METTL14: variants seen among roughly 807,000 people sequenced by gnomAD.
METTL14 encodes methyltransferase 14, N6-adenosine-methyltransferase non-catalytic subunit, also known as N(6)-adenosine-methyltransferase non-catalytic subunit METTL14.
METTL14 carries 32 observed loss-of-function variants against 62.4 expected under a neutral mutation model. That is an observed-to-expected ratio of 0.51 (90% confidence interval 0.39 to 0.69). The LOEUF (loss-of-function observed/expected upper bound fraction) is 0.69, where lower values mean the gene tolerates loss of function less well. Ranked by LOEUF, METTL14 falls within the 30% of genes least tolerant of loss-of-function variation. The pLI is 0.00. For synonymous variants in METTL14, 150 were observed against 180.0 expected, an observed-to-expected ratio of 0.83 and a Z score of 1.34; for missense variants, 340 against 551.9, an observed-to-expected ratio of 0.62 and a Z score of 3.85.
chr4:118,705,576 G>A, intron 9 of METTL14, 35 bp from the exon 10 acceptor site: 1 of 1,544,280 alleles, frequency 6.5e-7, no homozygotes, highest in East Asian at 2.2e-5. Flanking sequence ...GACTGTTGAT[G>A]AAAACAGATT....
At chr4:118,701,010 T>G (rs1724572031) in intron 8 of METTL14, among the ~76,000 whole-genome samples, 2 of 152,142 alleles carry the variant, frequency 1.3e-5, no homozygotes, top group Admixed American at 6.5e-5. Context: ...TTCAGGAGCA[T>G]TGGCTCCTGA....
intron 3 of METTL14, among the ~76,000 whole-genome samples, 174 bp from the exon 4 acceptor site, chr4:118,691,358 A>T (rs1166080738): frequency 6.6e-6 from 1 of 152,192 alleles, no homozygotes; most frequent in Non-Finnish European, 1.5e-5. Context: ...TATGAAAATA[A>T]TCAGCTAGCT....
intron 6 of METTL14, among the ~76,000 whole-genome samples, chr4:118,694,851 G>A (rs1212431472): frequency 6.6e-6 from 1 of 151,964 alleles, no homozygotes; most frequent in East Asian, 1.9e-4. Flanking sequence ...CTAGAGTGTG[G>A]AGTGTAGTGG....
intron 4 of METTL14, 100 bp from the exon 5 acceptor site, chr4:118,691,881 T>C: frequency 1.3e-6 from 1 of 761,496 alleles, no homozygotes; most frequent in Middle Eastern, 2.4e-4. Context: ...ATCTATCAAT[T>C]GATTGCATTT....
chr4:118,701,268 C>T (rs1160124886), intron 8 of METTL14, among the ~76,000 whole-genome samples: 6 of 150,080 alleles, frequency 4.0e-5, no homozygotes, highest in African/African-American at 1.2e-4. Flanking sequence ...ACTGTAGCCT[C>T]GACCTCCTGG....
At chr4:118,706,889 T>C (rs1724771229) in intron 10 of METTL14, among the ~76,000 whole-genome samples, 1 of 152,210 alleles carries the variant, frequency 6.6e-6, no homozygotes. Flanking sequence ...TTTGGTGAGA[T>C]GTCTTTTAAG....
chr4:118,687,791 G>T (rs1220524292), intron 1 of METTL14, 132 bp from the exon 2 acceptor site: 7 of 284,510 alleles, frequency 2.5e-5, no homozygotes, highest in East Asian at 7.0e-5. Flanking sequence ...TCATTGTTTT[G>T]TGTGTGTGTG....
chr4:118,702,858 A>C (rs991052124), intron 8 of METTL14, among the ~76,000 whole-genome samples: 5 of 148,218 alleles, frequency 3.4e-5, no homozygotes, highest in African/African-American at 1.2e-4. Context: ...TATGTTTTAT[A>C]CTCTATCTTT....
rs1724985571 is a variant in METTL14 at position 118,713,698 on chromosome 4, T to C, written c.*3396T>C. 6.6e-6 allele frequency: 1 copy of C among 152,092 alleles called. No individual in the cohort carries two copies. The highest frequency in any genetic ancestry group is 2.4e-5 in the African/African-American group (1 of 41,336). The allele number at this position is 152,092 out of a possible 1,614,324, so 9.4% of individuals were successfully genotyped here. The stretch of plus-strand genomic sequence containing the variant: ...ACTAGCATTATCCTCTCTTTGATGT[T>C]GGGTAATAGAGGCTGAACTTTTCTT... On this transcript the variant is annotated 3_prime_UTR_variant, in exon 11 of 11. Transcript: ENST00000388822.
intron 8 of METTL14, among the ~76,000 whole-genome samples, chr4:118,703,232 T>C (rs993240620): frequency 5.3e-5 from 8 of 152,128 alleles, no homozygotes; most frequent in African/African-American, 1.9e-4. Flanking sequence ...GGACTGTGTC[T>C]TATTCATGTT....
intron 5 of METTL14, among the ~76,000 whole-genome samples, chr4:118,692,666 A>C (rs572861186): frequency 1.3e-5 from 2 of 152,000 alleles, no homozygotes; most frequent in African/African-American, 4.8e-5. Context: ...TTTTAGACAG[A>C]TTTATTGAGA....
chr4:118,714,913 A>G lies in METTL14; in HGVS notation c.*4611A>G, dbSNP rs2110415002. ...ACATGCATATTTAAATTATGCATGCATTGTAGCTGTATACTGTGTGACCAC... is the reference window on the plus strand; with the variant it reads ...ACATGCATATTTAAATTATGCATGCGTTGTAGCTGTATACTGTGTGACCAC... On this transcript the variant is annotated 3_prime_UTR_variant, in exon 11 of 11. Coordinates refer to ENST00000388822, the MANE Select transcript of METTL14 (RefSeq NM_020961.4). 1 of 152,348 alleles carries G rather than the reference A, an allele frequency of 6.6e-6. No individual in the cohort carries two copies. The highest frequency in any genetic ancestry group is 2.1e-4 in the South Asian group (1 of 4,834). 9.4% of individuals were successfully genotyped at this position (152,348 alleles called of 1,614,324 possible).
At chr4:118,693,675 C>G (rs989335762) in intron 5 of METTL14, among the ~76,000 whole-genome samples, 1 of 152,108 alleles carries the variant, frequency 6.6e-6, no homozygotes, top group Non-Finnish European at 1.5e-5. Flanking sequence ...CTGCTCTGCT[C>G]TTAGGATACC....
rs545961441 is a variant in METTL14, at chr4:118,711,461, T to G, written c.*1159T>G. ...TTTAAACTTTTGAGATTTGAGAGTC[T>G]GTTTTCTATAAGTAGAATTACTGTT... On this transcript the variant is annotated 3_prime_UTR_variant, in exon 11 of 11. Coordinates refer to ENST00000388822, the MANE Select transcript of METTL14 (RefSeq NM_020961.4). The G allele has an allele frequency of 6.6e-6, 1 of 152,344 alleles. No individual in the cohort carries two copies. The highest frequency in any genetic ancestry group is 1.9e-4 in the East Asian group (1 of 5,192). The allele number at this position is 152,344 out of a possible 1,614,324, so 9.4% of individuals were successfully genotyped here.
intron 5 of METTL14, among the ~76,000 whole-genome samples, chr4:118,694,082 T>TA (rs1553980683): frequency 2.0e-5 from 3 of 150,116 alleles, no homozygotes; most frequent in Non-Finnish European, 4.4e-5. Context: ...TTTTTTTTTT[T>TA]AGCTAAGAGG....
intron 3 of METTL14, among the ~76,000 whole-genome samples, chr4:118,690,538 G>T (rs1178756975): frequency 6.6e-6 from 1 of 151,926 alleles, no homozygotes; most frequent in African/African-American, 2.4e-5. Context: ...AAATTAGCTG[G>T]GCATGGTGGC....
chr4:118,687,718 C>T (rs1195794420), intron 1 of METTL14, among the ~76,000 whole-genome samples: 1 of 152,138 alleles, frequency 6.6e-6, no homozygotes, highest in Non-Finnish European at 1.5e-5. Context: ...AGCTGTCAAA[C>T]TCATCTTAAT....
chr4:118,687,827 G>C, intron 1 of METTL14, 96 bp from the exon 2 acceptor site: 1 of 857,140 alleles, frequency 1.2e-6, no homozygotes, highest in Non-Finnish European at 1.9e-6. Flanking sequence ...AGGTGTTTTT[G>C]TTTTTTAAGT....
chr4:118,692,949 T>C (rs547142308), intron 5 of METTL14, among the ~76,000 whole-genome samples: 1 of 152,356 alleles, frequency 6.6e-6, no homozygotes, highest in South Asian at 2.1e-4. Context: ...TGTCACTGGC[T>C]TCTTTCACTT....
Sources: allele counts gnomAD v4.1 joint callset (sites outside exome capture counted in the v4.1 genomes callset), GRCh38; gene constraint gnomAD v4.1.1; transcripts MANE v1.5; gene names NCBI Gene and HGNC (gene_info 2026-07-23, HGNC 2026-07-21).